Variants in WWOX observed in about 807,000 individuals in gnomAD.
The protein encoded by WWOX is WW domain containing oxidoreductase.
WWOX carries 69 observed loss-of-function variants against 46.2 expected under a neutral mutation model. The observed-to-expected ratio is 1.49, with a 90% CI of 1.23 to 1.82. WWOX has a LOEUF of 1.82. Ranked by LOEUF, WWOX falls within the 40% of genes most tolerant of loss-of-function variation. WWOX has a pLI of 0.00. For synonymous variants in WWOX, 359 were observed against 202.6 expected (o/e 1.77, Z -6.56); for missense variants, 919 against 542.6 (o/e 1.69, Z -6.89).
intron 8 of WWOX, among the ~76,000 whole-genome samples, chr16:78,668,163 C>G (rs113410446): frequency 0.014 from 2,111 of 152,226 alleles, 26 homozygotes; most frequent in South Asian, 0.046. Context: ...GCCTGTAATC[C>G]CAGCTACTCG....
chr16:78,745,556 G>A (rs752260747), intron 8 of WWOX, among the ~76,000 whole-genome samples: 1 of 90,194 alleles, frequency 1.1e-5, no homozygotes, highest in Non-Finnish European at 2.1e-5. Flanking sequence ...GCTTCTTTCT[G>A]TGGATCTGTT....
intron 6 of WWOX, among the ~76,000 whole-genome samples, chr16:78,422,498 C>G (rs2082955875): frequency 6.7e-6 from 1 of 150,206 alleles, no homozygotes; most frequent in Admixed American, 6.7e-5. Flanking sequence ...CCACACACCA[C>G]CACACCTGGC....
chr16:79,067,108 A>G (rs2048455844), intron 8 of WWOX, among the ~76,000 whole-genome samples: 5 of 152,204 alleles, frequency 3.3e-5, no homozygotes, highest in Admixed American at 3.3e-4. Flanking sequence ...GCATAGCTGG[A>G]TGCAATCCTT....
intron 5 of WWOX, among the ~76,000 whole-genome samples, chr16:78,292,954 C>G (rs2079883658): frequency 6.6e-6 from 1 of 152,180 alleles, no homozygotes; most frequent in African/African-American, 2.4e-5. Context: ...ATGGAGACAC[C>G]TCCCCTCCCC....
At chr16:79,162,106 T>C (rs147647963) in intron 8 of WWOX, among the ~76,000 whole-genome samples, 43 of 152,332 alleles carry the variant, frequency 2.8e-4, no homozygotes, top group African/African-American at 1.0e-3. Flanking sequence ...CATTACCTGA[T>C]TTTTTACTGA....
chr16:78,153,731 G>A (rs1003140171), intron 4 of WWOX, among the ~76,000 whole-genome samples: 1 of 152,198 alleles, frequency 6.6e-6, no homozygotes, highest in Middle Eastern at 3.4e-3. Context: ...GAAATTACGG[G>A]TATTGTAAGC....
rs554657384 is a variant in WWOX, at chr16:78,561,315, C to G, written c.1056+128563C>G. Among the ~76,000 whole-genome samples the G allele has an allele frequency of 2.0e-5, 3 of 152,226 alleles. No individual in the cohort carries two copies. The South Asian group carries it at 6.2e-4, about 32-fold the overall frequency. The stretch of plus-strand genomic sequence containing the variant: ...GGTCTGGATTTCAAGGGCTCAGAAA[C>G]TCTCTCATGCATGTAGTTCCCTCCT... On this transcript the variant is annotated intron_variant, in intron 8 of 8. Transcript: ENST00000566780.
chr16:78,147,067 C>A (rs1045933489), intron 4 of WWOX, among the ~76,000 whole-genome samples: 4 of 151,930 alleles, frequency 2.6e-5, no homozygotes, highest in Non-Finnish European at 4.4e-5. Context: ...ACACAAGCCA[C>A]TGTTAGATTT....
intron 8 of WWOX, among the ~76,000 whole-genome samples, chr16:78,774,157 C>G (rs1037884602): frequency 1.3e-5 from 2 of 152,162 alleles, no homozygotes; most frequent in African/African-American, 4.8e-5. Flanking sequence ...AATCCCAGTA[C>G]TTTGGGAGGC....
chr16:78,455,504 GT>G (rs1006586913), intron 8 of WWOX, among the ~76,000 whole-genome samples: 1 of 151,762 alleles, frequency 6.6e-6, no homozygotes, highest in Non-Finnish European at 1.5e-5. Context: ...AGCTGGGTGT[GT>G]GGTAGTGTGT....
chr16:79,062,207 G>A (rs2048368695), intron 8 of WWOX, among the ~76,000 whole-genome samples: 1 of 152,198 alleles, frequency 6.6e-6, no homozygotes. Flanking sequence ...AAGCGAGGAA[G>A]AAGCGTAAGT....
At position 78,662,804 on chromosome 16, in the gene WWOX, G is replaced by A. The variant is rs115141056; in HGVS notation, c.1056+230052G>A. On this transcript the variant is annotated intron_variant, in intron 8 of 8. Coordinates refer to ENST00000566780, the MANE Select transcript of WWOX (RefSeq NM_016373.4). ...GATGTAGTGTTTTGGTGGTTCCTGG[G>A]CTCTGGGACTCAGCTTTTTGGCTGT... 2.3e-3 allele frequency among the ~76,000 whole-genome samples: 343 copies of A among 152,196 alleles called. 1 individual carries two copies. Among genetic ancestry groups the A allele is most frequent in the African/African-American group, 7.8e-3 (324 of 41,548 alleles).
intron 8 of WWOX, among the ~76,000 whole-genome samples, chr16:78,649,081 C>G (rs1463722675): frequency 1.3e-5 from 2 of 152,156 alleles, no homozygotes; most frequent in Admixed American, 1.3e-4. Flanking sequence ...TCAAGGGATT[C>G]TCCTGCCTCA....
At chr16:78,663,999 A>T (rs761405088) in intron 8 of WWOX, among the ~76,000 whole-genome samples, 2 of 152,204 alleles carry the variant, frequency 1.3e-5, no homozygotes, top group East Asian at 3.9e-4. Flanking sequence ...ACTTATGGTG[A>T]TCACTATTGG....
intron 8 of WWOX, among the ~76,000 whole-genome samples, chr16:78,928,308 T>C (rs1281836328): frequency 6.6e-6 from 1 of 150,650 alleles, no homozygotes; most frequent in Admixed American, 6.6e-5. Flanking sequence ...GTTCACGCCA[T>C]TCTCCTGCCT....
chr16:78,774,867 C>T (rs552286323), intron 8 of WWOX, among the ~76,000 whole-genome samples: 4 of 152,192 alleles, frequency 2.6e-5, no homozygotes, highest in African/African-American at 9.7e-5. Flanking sequence ...CCTTATTGAG[C>T]AGATGTTTAC....
At chr16:79,153,342 G>C (rs967554067) in intron 8 of WWOX, among the ~76,000 whole-genome samples, 1 of 152,110 alleles carries the variant, frequency 6.6e-6, no homozygotes, top group Non-Finnish European at 1.5e-5. Flanking sequence ...ACGCCAAGCC[G>C]CCCTTTCAGT....
intron 6 of WWOX, among the ~76,000 whole-genome samples, chr16:78,422,808 CACATATATAT>C (rs1337846780): frequency 1.8e-4 from 21 of 117,044 alleles, no homozygotes; most frequent in African/African-American, 1.1e-3. Flanking sequence ...TATATACACA[CACATATATAT>C]ACACACACAT....
intron 5 of WWOX, among the ~76,000 whole-genome samples, chr16:78,227,332 G>C (rs374040043): frequency 1.3e-5 from 2 of 151,758 alleles, no homozygotes; most frequent in African/African-American, 4.8e-5. Context: ...AGGAGTCTTG[G>C]GAGGTAATCA....
Sources: gnomAD v4.1 joint callset for allele counts (sites outside exome capture counted in the v4.1 genomes callset) on GRCh38, gnomAD v4.1.1 for gene constraint, MANE v1.5 for transcripts, NCBI Gene and HGNC (gene_info 2026-07-23, HGNC 2026-07-21) for gene names.